MARCHF11: variants seen among roughly 807,000 people sequenced by gnomAD.
MARCHF11 encodes the protein E3 ubiquitin-protein ligase MARCHF11.
Under a neutral mutation model 37.3 loss-of-function variants are expected in MARCHF11, and 29 were observed. The ratio of observed to expected loss-of-function variants is 0.78; its 90% CI spans 0.58 to 1.06. The LOEUF is 1.06. MARCHF11 is among the 50% of genes least tolerant of loss of function. MARCHF11 has a pLI of 0.00. For synonymous variants in MARCHF11, 233 were observed against 228.0 expected (o/e 1.02, Z -0.20); for missense variants, 482 against 533.4 (o/e 0.90, Z 0.95).
At chr5:16,129,843 TTTATC>T (rs376220581) in intron 2 of MARCHF11, among the ~76,000 whole-genome samples, 37 of 152,284 alleles carry the variant, frequency 2.4e-4, no homozygotes, top group African/African-American at 8.2e-4. Flanking sequence ...CCAACTTACT[TTTATC>T]TTAAGTGGCA....
At position 16,179,027 on chromosome 5, in the gene MARCHF11, G is replaced by T. The variant is rs570383869; in HGVS notation, c.537+12C>A. 2.5e-5 allele frequency: 36 copies of T among 1,450,440 alleles called. No homozygotes were observed. Among genetic ancestry groups the T allele is most frequent in the Non-Finnish European group, 3.1e-5 (34 of 1,106,142 alleles). 89.8% of individuals were successfully genotyped at this position (1,450,440 alleles called of 1,614,324 possible). ...CCGCCACCGGCTGCCTCGGGGTCTC[G>T]CCGGGCCTTACCTGCTCCGCGCCCT... On this transcript the variant is annotated intron_variant, in intron 1 of 3. Transcript: ENST00000332432.
chr5:16,162,863 G>C (rs182274637), intron 2 of MARCHF11, among the ~76,000 whole-genome samples: 148 of 152,106 alleles, frequency 9.7e-4, no homozygotes, highest in African/African-American at 3.4e-3. Flanking sequence ...GAATCAATAA[G>C]AGACCATCAA....
chr5:16,151,083 T>C (rs1240104483), intron 2 of MARCHF11, among the ~76,000 whole-genome samples: 1 of 152,078 alleles, frequency 6.6e-6, no homozygotes, highest in African/African-American at 2.4e-5. Flanking sequence ...CTTAGATATA[T>C]AGAGACAGAT....
At chr5:16,098,918 T>C (rs1405218012) in intron 2 of MARCHF11, among the ~76,000 whole-genome samples, 2 of 152,096 alleles carry the variant, frequency 1.3e-5, no homozygotes, top group Admixed American at 6.5e-5. Flanking sequence ...AAAAAGATAA[T>C]CTACAAACTG....
intron 2 of MARCHF11, among the ~76,000 whole-genome samples, chr5:16,127,564 T>C (rs1332130123): frequency 6.6e-6 from 1 of 152,208 alleles, no homozygotes; most frequent in Non-Finnish European, 1.5e-5. Flanking sequence ...GTCAACACAG[T>C]AGAAGTTTAT....
At chr5:16,110,523 T>C (rs1246451084) in intron 2 of MARCHF11, among the ~76,000 whole-genome samples, 37 of 152,148 alleles carry the variant, frequency 2.4e-4, no homozygotes, top group Admixed American at 2.4e-3. Context: ...AAAATGGATA[T>C]TTATTTGAAT....
At chr5:16,143,882 A>G (rs956305538) in intron 2 of MARCHF11, among the ~76,000 whole-genome samples, 14 of 150,142 alleles carry the variant, frequency 9.3e-5, no homozygotes, top group African/African-American at 3.5e-4. Flanking sequence ...GCAGGACTTC[A>G]GAGTAGTTTA....
At chr5:16,175,865 G>T (rs906502047) in intron 2 of MARCHF11, among the ~76,000 whole-genome samples, 1 of 152,152 alleles carries the variant, frequency 6.6e-6, no homozygotes, top group Non-Finnish European at 1.5e-5. Flanking sequence ...ACAACAATCA[G>T]ATCAGGTTAC....
At chr5:16,142,884 CTTTTTTTTTTTTTT>C (rs61225598) in intron 2 of MARCHF11, among the ~76,000 whole-genome samples, 1 of 52,212 alleles carries the variant, frequency 1.9e-5, no homozygotes, top group Non-Finnish European at 3.0e-5. Context: ...CCACACCTGG[CTTTTTTTTTTTTTT>C]TTTTTTTTTT....
chr5:16,073,723 A>T (rs920558629), intron 3 of MARCHF11, among the ~76,000 whole-genome samples: 4 of 152,090 alleles, frequency 2.6e-5, no homozygotes, highest in African/African-American at 9.6e-5. Context: ...AGCTCACAAA[A>T]CATAGCTGTC....
chr5:16,092,670 C>G (rs746891255), intron 2 of MARCHF11, among the ~76,000 whole-genome samples: 2 of 152,064 alleles, frequency 1.3e-5, no homozygotes, highest in Non-Finnish European at 1.5e-5. Flanking sequence ...TTGATGGGTG[C>G]AGCAAACCAC....
At chr5:16,107,017 C>T (rs939187236) in intron 2 of MARCHF11, among the ~76,000 whole-genome samples, 1 of 152,208 alleles carries the variant, frequency 6.6e-6, no homozygotes, top group East Asian at 1.9e-4. Flanking sequence ...GCCCCATGAA[C>T]GTCAGATGTG....
chr5:16,134,583 G>T (rs1453738995), intron 2 of MARCHF11, among the ~76,000 whole-genome samples: 1 of 152,130 alleles, frequency 6.6e-6, no homozygotes, highest in Non-Finnish European at 1.5e-5. Flanking sequence ...TATACATGCA[G>T]TATTTTGAAA....
chr5:16,175,341 T>A (rs1738338427), intron 2 of MARCHF11, among the ~76,000 whole-genome samples: 1 of 152,228 alleles, frequency 6.6e-6, no homozygotes, highest in Non-Finnish European at 1.5e-5. Context: ...AGATCCAGGC[T>A]GAAACTATTT....
intron 3 of MARCHF11, among the ~76,000 whole-genome samples, chr5:16,069,518 A>G (rs1445053504): frequency 6.6e-6 from 1 of 152,194 alleles, no homozygotes; most frequent in African/African-American, 2.4e-5. Flanking sequence ...TTCAAAAATA[A>G]CAGAGAATTT....
chr5:16,087,230 A>G (rs1312781802), intron 3 of MARCHF11, among the ~76,000 whole-genome samples: 2 of 152,234 alleles, frequency 1.3e-5, no homozygotes, highest in African/African-American at 2.4e-5. Flanking sequence ...CCATAGAAGT[A>G]TTCTTAAAAA....
chr5:16,084,396 A>G (rs910667113), intron 3 of MARCHF11, among the ~76,000 whole-genome samples: 3 of 152,182 alleles, frequency 2.0e-5, no homozygotes, highest in African/African-American at 7.2e-5. Context: ...TAATCCCAGC[A>G]CTTTGGGAGG....
At chr5:16,091,141 A>AT in intron 2 of MARCHF11, 60 bp from the exon 3 acceptor site, 1 of 1,344,808 alleles carries the variant, frequency 7.4e-7, no homozygotes, top group Non-Finnish European at 9.9e-7. Context: ...AAGAAAAAAA[A>AT]ACATTTTCAG....
intron 2 of MARCHF11, among the ~76,000 whole-genome samples, chr5:16,163,719 G>A (rs1453082312): frequency 6.6e-6 from 1 of 152,048 alleles, no homozygotes; most frequent in Non-Finnish European, 1.5e-5. Context: ...AGAGTGCTAT[G>A]ATTTGAATGA....
Sources: allele counts gnomAD v4.1 joint callset (sites outside exome capture counted in the v4.1 genomes callset), GRCh38; gene constraint gnomAD v4.1.1; transcripts MANE v1.5; gene names NCBI Gene and HGNC (gene_info 2026-07-23, HGNC 2026-07-21).